Variants in NR2F1-AS1 observed in about 807,000 individuals in gnomAD.
The protein encoded by NR2F1-AS1 is NR2F1 antisense RNA 1.
At chr5:93,465,068 G>GA (rs1449495159) in intron 4 of NR2F1-AS1, among the ~76,000 whole-genome samples, 1 of 152,146 alleles carries the variant, frequency 6.6e-6, no homozygotes, top group Admixed American at 6.5e-5. Context: ...AGCCAAAATA[G>GA]AAAAATGGGA....
chr5:93,564,058 C>T lies in NR2F1-AS1; in HGVS notation n.314-595G>A, dbSNP rs1012663766. On this transcript the variant is annotated intron_variant and non_coding_transcript_variant, in intron 1 of 5. Coordinates refer to ENST00000660523, the Ensembl canonical transcript of NR2F1-AS1. ...TGGAGCTTACAATGAGTGGAGATCA[C>T]GCCACTGTACTCCAGCCTGGGTGAC... 1.0e-4 allele frequency among the ~76,000 whole-genome samples: 13 copies of T among 124,974 alleles called. No individual in the cohort carries two copies. The South Asian group carries it at 1.0e-3, about 10-fold the overall frequency. 82.0% of individuals were successfully genotyped at this position (124,974 alleles called of 152,430 possible). A position where few individuals can be genotyped will look rare whatever the true frequency, so the allele number is the denominator to read the frequency against.
chr5:93,445,470 A>G (rs1403707539), intron 4 of NR2F1-AS1, among the ~76,000 whole-genome samples: 4 of 152,180 alleles, frequency 2.6e-5, no homozygotes. Flanking sequence ...ATTCCTGGAC[A>G]CATACACCCT....
chr5:93,454,644 G>T (rs1749907221), intron 4 of NR2F1-AS1, among the ~76,000 whole-genome samples: 1 of 152,172 alleles, frequency 6.6e-6, no homozygotes, highest in South Asian at 2.1e-4. Context: ...GTTGCCAGGG[G>T]AGCCAACCAT....
chr5:93,467,181 C>G (rs1288674523), intron 4 of NR2F1-AS1, among the ~76,000 whole-genome samples: 2 of 152,146 alleles, frequency 1.3e-5, no homozygotes, highest in Non-Finnish European at 2.9e-5. Flanking sequence ...CAGAATATAT[C>G]AATATCGTGA....
chr5:93,553,808 C>G (rs1376970478), exon 4 of NR2F1-AS1: 1 of 152,202 alleles, frequency 6.6e-6, no homozygotes, highest in Non-Finnish European at 1.5e-5. Flanking sequence ...TTGACATAGG[C>G]TTCCTGATCT....
chr5:93,517,259 A>C (rs1751416542), intron 4 of NR2F1-AS1, among the ~76,000 whole-genome samples: 1 of 151,966 alleles, frequency 6.6e-6, no homozygotes, highest in Non-Finnish European at 1.5e-5. Context: ...TTGTGCTGGC[A>C]TTGTAGAGTA....
chr5:93,553,509 G>A (rs1752280316), intron 4 of NR2F1-AS1, among the ~76,000 whole-genome samples: 2 of 152,188 alleles, frequency 1.3e-5, no homozygotes, highest in South Asian at 4.1e-4. Flanking sequence ...TAAGGAATGA[G>A]AATGGAGATG....
At chr5:93,498,909 AATTATATGT>A (rs1561469792) in intron 4 of NR2F1-AS1, among the ~76,000 whole-genome samples, 1 of 152,150 alleles carries the variant, frequency 6.6e-6, no homozygotes, top group Non-Finnish European at 1.5e-5. Flanking sequence ...AAAGCCTTGT[AATTATATGT>A]ATTACCCTTA....
At chr5:93,537,008 G>T (rs930805617) in intron 4 of NR2F1-AS1, among the ~76,000 whole-genome samples, 1 of 152,112 alleles carries the variant, frequency 6.6e-6, no homozygotes, top group African/African-American at 2.4e-5. Context: ...GCTCCTCCTT[G>T]CCTTTCGCTA....
intron 4 of NR2F1-AS1, among the ~76,000 whole-genome samples, chr5:93,499,395 G>A (rs1005490465): frequency 2.0e-5 from 3 of 152,114 alleles, no homozygotes; most frequent in Non-Finnish European, 2.9e-5. Flanking sequence ...CTCACTTTGT[G>A]TCTCTGGGTC....
At chr5:93,512,806 G>A (rs1029316160) in intron 4 of NR2F1-AS1, among the ~76,000 whole-genome samples, 9 of 152,196 alleles carry the variant, frequency 5.9e-5, no homozygotes, top group Admixed American at 2.0e-4. Flanking sequence ...GTACAGGTTT[G>A]TAGTCTAGGA....
At chr5:93,474,249 G>T (rs1054061466) in intron 4 of NR2F1-AS1, among the ~76,000 whole-genome samples, 1 of 152,028 alleles carries the variant, frequency 6.6e-6, no homozygotes, top group Non-Finnish European at 1.5e-5. Flanking sequence ...AAGTAAAAAA[G>T]GCTTAAGAAA....
At chr5:93,564,449 G>A (rs151078684) in intron 1 of NR2F1-AS1, among the ~76,000 whole-genome samples, 164 of 152,220 alleles carry the variant, frequency 1.1e-3, no homozygotes, top group African/African-American at 3.7e-3. Flanking sequence ...AATTAAATTC[G>A]TTAGAGTAAA....
At chr5:93,574,839 C>T (rs1221062895) in intron 1 of NR2F1-AS1, among the ~76,000 whole-genome samples, 1 of 152,108 alleles carries the variant, frequency 6.6e-6, no homozygotes, top group Non-Finnish European at 1.5e-5. Flanking sequence ...GGCTGGGATT[C>T]TTCTACTTAA....
At chr5:93,561,576 C>A (rs1302788289) in intron 2 of NR2F1-AS1, among the ~76,000 whole-genome samples, 1 of 151,804 alleles carries the variant, frequency 6.6e-6, no homozygotes, top group Non-Finnish European at 1.5e-5. Flanking sequence ...AGTTCAAGAC[C>A]AGTCCAGGCA....
intron 4 of NR2F1-AS1, among the ~76,000 whole-genome samples, chr5:93,432,102 T>A (rs1749338141): frequency 6.6e-6 from 1 of 152,178 alleles, no homozygotes; most frequent in South Asian, 2.1e-4. Context: ...AAATACCACA[T>A]CTTATTTATT....
intron 4 of NR2F1-AS1, among the ~76,000 whole-genome samples, chr5:93,522,162 T>C (rs1370167063): frequency 6.6e-6 from 1 of 151,958 alleles, no homozygotes; most frequent in Admixed American, 6.6e-5. Context: ...AATGATAACT[T>C]ATGAACACAA....
Position 93,568,903 on chromosome 5 carries a change from C to T in NR2F1-AS1, n.314-5440G>A, listed in dbSNP as rs182124798. On this transcript the variant is annotated intron_variant and non_coding_transcript_variant, in intron 1 of 5. Transcript: ENST00000660523. Reference sequence around the variant, plus strand: ...GTAAATAAATTTAATTCCTTTACTACCCTTGACAGTGACAAGAGCAAAACC... The same window carrying T: ...GTAAATAAATTTAATTCCTTTACTATCCTTGACAGTGACAAGAGCAAAACC... Among the ~76,000 whole-genome samples, 165 of 152,268 alleles carry T rather than the reference C, an allele frequency of 1.1e-3. 1 individual carries two copies. The highest frequency in any genetic ancestry group is 3.8e-3 in the African/African-American group (157 of 41,546).
chr5:93,569,543 T>C (rs1032674514), intron 1 of NR2F1-AS1, among the ~76,000 whole-genome samples: 2 of 152,206 alleles, frequency 1.3e-5, no homozygotes, highest in South Asian at 4.1e-4. Context: ...ACTATGCTAA[T>C]TGGTGAACCT....
Sources: allele counts gnomAD v4.1 joint callset (sites outside exome capture counted in the v4.1 genomes callset), GRCh38; gene constraint gnomAD v4.1.1; transcripts MANE v1.5; gene names NCBI Gene and HGNC (gene_info 2026-07-23, HGNC 2026-07-21).